PLCB1: variants seen among roughly 807,000 people sequenced by gnomAD.
PLCB1 encodes the protein phospholipase C beta 1.
Under a neutral mutation model 161.8 loss-of-function variants are expected in PLCB1, and 46 were observed. The observed-to-expected ratio is 0.28, with a 90% CI of 0.22 to 0.36. The LOEUF (loss-of-function observed/expected upper bound fraction) is 0.36. PLCB1 is among the 10% of genes least tolerant of loss of function. The probability of loss-of-function intolerance (pLI) is 1.00; values close to 1 mark genes in which losing one functional copy is unlikely to be tolerated. For synonymous variants in PLCB1, 517 were observed against 503.7 expected, an observed-to-expected ratio of 1.03 and a Z score of -0.35; for missense variants, 1,016 against 1,472.5, an observed-to-expected ratio of 0.69 and a Z score of 5.07.
At chr20:8,254,654 C>T (rs1217828649) in intron 2 of PLCB1, among the ~76,000 whole-genome samples, 1 of 151,972 alleles carries the variant, frequency 6.6e-6, no homozygotes, top group Admixed American at 6.6e-5. Flanking sequence ...GACTATAGTG[C>T]AACCTGATAT....
chr20:8,235,504 C>A (rs1475411475), intron 2 of PLCB1, among the ~76,000 whole-genome samples: 1 of 152,050 alleles, frequency 6.6e-6, no homozygotes, highest in Non-Finnish European at 1.5e-5. Flanking sequence ...TTTTAAAAAT[C>A]TCTTACAAAT....
At chr20:8,660,154 A>G (rs1220211279) in intron 9 of PLCB1, among the ~76,000 whole-genome samples, 1 of 151,894 alleles carries the variant, frequency 6.6e-6, no homozygotes, top group African/African-American at 2.4e-5. Context: ...TATCATTTTC[A>G]CTGATGCTGT....
At chr20:8,684,853 T>C in intron 9 of PLCB1, 79 bp from the exon 10 acceptor site, 2 of 1,033,918 alleles carry the variant, frequency 1.9e-6, no homozygotes, top group Non-Finnish European at 2.9e-6. Context: ...AAGATATTTC[T>C]GGAAAAAAAA....
chr20:8,792,423 T>C (rs565179494), intron 31 of PLCB1, among the ~76,000 whole-genome samples: 1 of 152,256 alleles, frequency 6.6e-6, no homozygotes, highest in Non-Finnish European at 1.5e-5. Context: ...ATCAAAGAAA[T>C]AGAGGGGAAA....
At chr20:8,690,550 G>T (rs1990453985) in intron 10 of PLCB1, among the ~76,000 whole-genome samples, 1 of 152,136 alleles carries the variant, frequency 6.6e-6, no homozygotes. Flanking sequence ...GTCACAGGAT[G>T]GGTGGCAGTA....
chr20:8,803,367 A>T (rs1984375128), intron 31 of PLCB1, among the ~76,000 whole-genome samples: 1 of 152,024 alleles, frequency 6.6e-6, no homozygotes, highest in Admixed American at 6.6e-5. Context: ...AGAAGCTTGA[A>T]GCAACTGTCA....
chr20:8,475,247 G>C (rs572002808), intron 3 of PLCB1, among the ~76,000 whole-genome samples: 1 of 152,218 alleles, frequency 6.6e-6, no homozygotes, highest in African/African-American at 2.4e-5. Flanking sequence ...CATTTTGGGT[G>C]GTGGAGGCTT....
At chr20:8,419,940 T>A (rs1324778618) in intron 3 of PLCB1, among the ~76,000 whole-genome samples, 1 of 152,204 alleles carries the variant, frequency 6.6e-6, no homozygotes, top group Admixed American at 6.5e-5. Context: ...TCCTCAAATA[T>A]CTATAGCAGC....
At chr20:8,758,865 C>T (rs1376473933) in intron 24 of PLCB1, among the ~76,000 whole-genome samples, 2 of 152,048 alleles carry the variant, frequency 1.3e-5, no homozygotes, top group Non-Finnish European at 2.9e-5. Flanking sequence ...GCAAAAATAA[C>T]CTCTTCTTCC....
At chr20:8,450,914 T>C (rs1981046699) in intron 3 of PLCB1, among the ~76,000 whole-genome samples, 1 of 152,216 alleles carries the variant, frequency 6.6e-6, no homozygotes, top group Admixed American at 6.5e-5. Flanking sequence ...TTCAATTTAC[T>C]GTTAAGTTGT....
chr20:8,548,940 C>T (rs1985671985), intron 3 of PLCB1, among the ~76,000 whole-genome samples: 1 of 152,108 alleles, frequency 6.6e-6, no homozygotes, highest in South Asian at 2.1e-4. Context: ...AAATGATTTT[C>T]AGTGAAGCAG....
At chr20:8,698,878 C>G (rs191596231) in intron 11 of PLCB1, among the ~76,000 whole-genome samples, 1 of 152,240 alleles carries the variant, frequency 6.6e-6, no homozygotes, top group East Asian at 1.9e-4. Flanking sequence ...TGCATTTGGT[C>G]TCTCTCTTTT....
At chr20:8,752,107 T>G (rs947616278) in intron 23 of PLCB1, 1 of 152,226 alleles carries the variant, frequency 6.6e-6, no homozygotes, top group South Asian at 2.1e-4. Context: ...GGATGCCTTT[T>G]TAGTGCAACA....
intron 2 of PLCB1, among the ~76,000 whole-genome samples, chr20:8,343,050 T>A (rs1985870886): frequency 6.6e-6 from 1 of 152,214 alleles, no homozygotes; most frequent in African/African-American, 2.4e-5. Flanking sequence ...ATTCCTCCAG[T>A]CTGCACCTCC....
intron 2 of PLCB1, among the ~76,000 whole-genome samples, chr20:8,293,706 C>T (rs1983492950): frequency 6.6e-6 from 1 of 151,982 alleles, no homozygotes; most frequent in Non-Finnish European, 1.5e-5. Context: ...ATTATTTTGA[C>T]CTCAGGGACC....
chr20:8,820,726 A>G (rs976623525), intron 31 of PLCB1, among the ~76,000 whole-genome samples: 1 of 152,178 alleles, frequency 6.6e-6, no homozygotes, highest in Non-Finnish European at 1.5e-5. Flanking sequence ...GAAATGAAAA[A>G]TAACCCACCT....
At chr20:8,500,826 A>G (rs1983374122) in intron 3 of PLCB1, among the ~76,000 whole-genome samples, 1 of 152,168 alleles carries the variant, frequency 6.6e-6, no homozygotes, top group Non-Finnish European at 1.5e-5. Flanking sequence ...TCACCTCCCT[A>G]AGACATAGTT....
chr20:8,828,168 G>C (rs1045305465), intron 31 of PLCB1, among the ~76,000 whole-genome samples: 3 of 152,186 alleles, frequency 2.0e-5, no homozygotes, highest in Non-Finnish European at 4.4e-5. Context: ...GATGGTGGAT[G>C]GGTTGAAAGC....
At chr20:8,681,090 A>G (rs113717531) in intron 9 of PLCB1, among the ~76,000 whole-genome samples, 8,102 of 56,576 alleles carry the variant, frequency 0.14, 772 homozygotes, top group African/African-American at 0.36. Flanking sequence ...GTGTGTGTAT[A>G]TATATATATA....
Sources: gnomAD v4.1 joint callset for allele counts (sites outside exome capture counted in the v4.1 genomes callset) on GRCh38, gnomAD v4.1.1 for gene constraint, MANE v1.5 for transcripts, NCBI Gene and HGNC (gene_info 2026-07-23, HGNC 2026-07-21) for gene names.